Variants in TRIO observed in about 807,000 individuals in gnomAD.
TRIO encodes trio Rho guanine nucleotide exchange factor.
A neutral mutation model predicts 351.9 loss-of-function variants in TRIO; 58 were observed. That is an observed-to-expected ratio of 0.16 (90% CI 0.13 to 0.21). The LOEUF (loss-of-function observed/expected upper bound fraction) is 0.21. Ranked by LOEUF, TRIO falls within the 10% of genes least tolerant of loss-of-function variation. The pLI is 1.00. For missense variants in TRIO, 3,201 were observed against 4,027.8 expected (o/e 0.79, Z 5.56); for synonymous variants, 1,758 against 1,595.7 (o/e 1.10, Z -2.42).
chr5:14,488,672 G>T (rs1481502293), intron 48 of TRIO: 8 of 537,988 alleles, frequency 1.5e-5, no homozygotes, highest in African/African-American at 9.4e-5. Context: ...GCTTGGTTTT[G>T]CTCTTTTATG....
intron 1 of TRIO, among the ~76,000 whole-genome samples, chr5:14,164,945 C>T (rs1788680235): frequency 6.6e-6 from 1 of 152,180 alleles, no homozygotes; most frequent in Admixed American, 6.5e-5. Context: ...CTGGAACAGG[C>T]ACAGGCCACA....
At chr5:14,218,274 G>A (rs1315465780) in intron 1 of TRIO, among the ~76,000 whole-genome samples, 1 of 152,154 alleles carries the variant, frequency 6.6e-6, no homozygotes, top group Non-Finnish European at 1.5e-5. Context: ...AAAGAGCTTA[G>A]GGTGGTGCCT....
chr5:14,427,751 C>T (rs1358546166), intron 34 of TRIO, among the ~76,000 whole-genome samples: 3 of 152,056 alleles, frequency 2.0e-5, no homozygotes, highest in Non-Finnish European at 4.4e-5. Context: ...AATGACCTGC[C>T]GATGGTCCAG....
intron 34 of TRIO, among the ~76,000 whole-genome samples, chr5:14,435,977 G>T (rs187592321): frequency 6.6e-6 from 1 of 152,164 alleles, no homozygotes; most frequent in Non-Finnish European, 1.5e-5. Flanking sequence ...TCATTGCTGT[G>T]TGTTGCCATG....
At chr5:14,490,725 G>A (rs866284904) in intron 48 of TRIO, 2 of 451,462 alleles carry the variant, frequency 4.4e-6, no homozygotes, top group Non-Finnish European at 4.4e-6. Context: ...CATAGGAGAT[G>A]CCCAGAAAAT....
At chr5:14,357,144 A>G (rs967489853) in intron 11 of TRIO, among the ~76,000 whole-genome samples, 4 of 152,232 alleles carry the variant, frequency 2.6e-5, no homozygotes, top group Non-Finnish European at 4.4e-5. Flanking sequence ...AGAAGACCAC[A>G]TGCACACACA....
intron 1 of TRIO, among the ~76,000 whole-genome samples, chr5:14,196,676 C>G (rs141481763): frequency 1.1e-3 from 166 of 152,270 alleles, no homozygotes; most frequent in African/African-American, 3.9e-3. Context: ...GATGAGGCAC[C>G]TGGTGCCTGC....
At chr5:14,296,613 T>G (rs1447847428) in intron 6 of TRIO, among the ~76,000 whole-genome samples, 1 of 152,196 alleles carries the variant, frequency 6.6e-6, no homozygotes, top group Non-Finnish European at 1.5e-5. Flanking sequence ...AAGGAGAGCT[T>G]GCTTTCACAC....
At chr5:14,334,270 G>T (rs1741191616) in intron 10 of TRIO, among the ~76,000 whole-genome samples, 1 of 152,144 alleles carries the variant, frequency 6.6e-6, no homozygotes, top group Non-Finnish European at 1.5e-5. Flanking sequence ...CCCAGGGAAG[G>T]TCTCGTTCCC....
At chr5:14,176,741 C>A (rs1789431912) in intron 1 of TRIO, among the ~76,000 whole-genome samples, 1 of 152,162 alleles carries the variant, frequency 6.6e-6, no homozygotes, top group African/African-American at 2.4e-5. Flanking sequence ...CCATGCCCAG[C>A]CTCAGTTCAT....
At chr5:14,156,670 A>C (rs763787283) in intron 1 of TRIO, among the ~76,000 whole-genome samples, 13 of 152,206 alleles carry the variant, frequency 8.5e-5, no homozygotes, top group Non-Finnish European at 1.9e-4. Flanking sequence ...TAGAATATGC[A>C]GAAAGTAATT....
At chr5:14,147,297 G>A (rs1382974413) in intron 1 of TRIO, among the ~76,000 whole-genome samples, 1 of 152,148 alleles carries the variant, frequency 6.6e-6, no homozygotes, top group African/African-American at 2.4e-5. Context: ...CTGGTCCCTG[G>A]TGCTCTTTCC....
At chr5:14,480,172 A>G (rs1561538725) in intron 43 of TRIO, among the ~76,000 whole-genome samples, 161 bp downstream of exon 43, 1 of 106,918 alleles carries the variant, frequency 9.4e-6, no homozygotes, top group East Asian at 2.7e-4. Flanking sequence ...TCAGCTGTTA[A>G]CTGAAGGTGA....
Position 14,355,809 on chromosome 5 carries a change from G to A in TRIO, c.2047-2369G>A, listed in dbSNP as rs188059024. Among the ~76,000 whole-genome samples, 24 of 152,260 alleles carry A rather than the reference G, an allele frequency of 1.6e-4. No individual in the cohort carries two copies. The East Asian group carries it at 2.1e-3, about 13-fold the overall frequency. The stretch of plus-strand genomic sequence containing the variant: ...CAGTTCAGATTTGATGAATTGGTGC[G>A]TGGCATTTTCATGTGGAATTAAATA... On this transcript the variant is annotated intron_variant, in intron 11 of 56. Coordinates refer to ENST00000344204, the MANE Select transcript of TRIO (RefSeq NM_007118.4).
intron 34 of TRIO, among the ~76,000 whole-genome samples, chr5:14,437,654 C>T (rs184210704): frequency 3.3e-5 from 5 of 151,544 alleles, no homozygotes; most frequent in Admixed American, 2.0e-4. Context: ...CTCCTCTTCC[C>T]GTGAGGACAC....
At chr5:14,264,031 C>T (rs778318452) in intron 1 of TRIO, among the ~76,000 whole-genome samples, 1 of 152,182 alleles carries the variant, frequency 6.6e-6, no homozygotes, top group Non-Finnish European at 1.5e-5. Context: ...AATACTACTA[C>T]TTCTTGACTA....
At chr5:14,144,258 C>T (rs1336825410) in intron 1 of TRIO, among the ~76,000 whole-genome samples, 1 of 152,134 alleles carries the variant, frequency 6.6e-6, no homozygotes, top group African/African-American at 2.4e-5. Context: ...GCGGAGATGG[C>T]GTGGGCGGAG....
rs151134533 is a variant in TRIO, at chr5:14,265,998, A to G, written c.158-4827A>G. 2.9e-3 allele frequency among the ~76,000 whole-genome samples: 441 copies of G among 152,184 alleles called. 3 individuals are homozygous for G. Among genetic ancestry groups the G allele is most frequent in the Middle Eastern group, 3.4e-3 (1 of 294 alleles). The stretch of plus-strand genomic sequence containing the variant: ...TTCAGGGTCAAGATGCTGTGGAAAT[A>G]TATTTATTTGTTGGTTGAGTTCATT... On this transcript the variant is annotated intron_variant, in intron 1 of 56. Transcript: ENST00000344204.
chr5:14,190,205 C>T (rs1406102358), intron 1 of TRIO, among the ~76,000 whole-genome samples: 1 of 151,994 alleles, frequency 6.6e-6, no homozygotes, highest in East Asian at 1.9e-4. Context: ...TTCCTCAATC[C>T]CCACTGGCCA....
Sources: allele counts gnomAD v4.1 joint callset (sites outside exome capture counted in the v4.1 genomes callset), GRCh38; gene constraint gnomAD v4.1.1; transcripts MANE v1.5; gene names NCBI Gene and HGNC (gene_info 2026-07-23, HGNC 2026-07-21).